The following CBX1 variants were observed in gnomAD, a reference collection of about 807,000 sequenced individuals.
CBX1 encodes the protein chromobox protein homolog 1.
A neutral mutation model predicts 25.1 loss-of-function variants in CBX1; 10 were observed. The observed-to-expected ratio is 0.40, with a 90% CI of 0.25 to 0.68. The LOEUF (loss-of-function observed/expected upper bound fraction) is 0.68. CBX1 is among the 30% of genes least tolerant of loss of function. The pLI, the probability that CBX1 is intolerant of heterozygous loss-of-function variation, is 0.40. For synonymous variants in CBX1, 63 were observed against 79.4 expected, an observed-to-expected ratio of 0.79 and a Z score of 1.10; for missense variants, 106 against 218.5, an observed-to-expected ratio of 0.49 and a Z score of 3.25.
intron 1 of CBX1, among the ~76,000 whole-genome samples, chr17:48,084,214 T>TC (rs2037765476): frequency 9.2e-6 from 1 of 108,956 alleles, no homozygotes; most frequent in East Asian, 2.6e-4. Flanking sequence ...TTTTTTTTTT[T>TC]TTTTTTTTTT....
intron 1 of CBX1, among the ~76,000 whole-genome samples, chr17:48,091,191 C>T (rs2063341909): frequency 6.6e-6 from 1 of 152,154 alleles, no homozygotes; most frequent in Admixed American, 6.6e-5. Context: ...GGAAAGACCT[C>T]GACTAGACTG....
intron 1 of CBX1, among the ~76,000 whole-genome samples, chr17:48,100,229 A>G (rs946384606): frequency 2.0e-5 from 3 of 151,716 alleles, no homozygotes; most frequent in African/African-American, 7.3e-5. Flanking sequence ...GGCCCACGAA[A>G]CAAATATTAC....
rs2063353934 is a variant in CBX1 at position 48,093,137 on chromosome 17, GCGC to G, written c.-38+8128_-38+8130del. 3.4e-5 allele frequency among the ~76,000 whole-genome samples: 5 copies of G among 149,090 alleles called. No homozygotes were observed. The Admixed American group carries it at 3.4e-4, about 10-fold the overall frequency. ...ACAAATTAGTTGGGCATGATGGCAGGCGCCTGTAATCCCAGCTACCCAACTACT... is the reference window on the plus strand; with the variant it reads ...ACAAATTAGTTGGGCATGATGGCAGGCTGTAATCCCAGCTACCCAACTACT... On this transcript the variant is annotated intron_variant, in intron 1 of 4. Coordinates refer to ENST00000225603, the MANE Select transcript of CBX1 (RefSeq NM_001127228.2).
intron 2 of CBX1, among the ~76,000 whole-genome samples, 156 bp downstream of exon 2, chr17:48,076,709 T>C (rs2037678064): frequency 6.6e-6 from 1 of 152,180 alleles, no homozygotes; most frequent in Non-Finnish European, 1.5e-5. Context: ...TTCTGCTTTG[T>C]ATTATAAGCA....
intron 1 of CBX1, among the ~76,000 whole-genome samples, chr17:48,090,605 T>G (rs1302394378): frequency 6.6e-6 from 1 of 152,226 alleles, no homozygotes. Context: ...GCCAGTGATT[T>G]CAAAATGAAA....
intron 1 of CBX1, among the ~76,000 whole-genome samples, chr17:48,091,983 C>CTTTTTTT (rs56277117): frequency 2.5e-4 from 16 of 62,934 alleles, no homozygotes; most frequent in African/African-American, 3.3e-4. Flanking sequence ...CCAGCCAGAT[C>CTTTTTTT]TTTTTTTTTT....
chr17:48,082,723 A>C (rs2037751443), intron 1 of CBX1, among the ~76,000 whole-genome samples: 1 of 149,430 alleles, frequency 6.7e-6, no homozygotes, highest in East Asian at 1.9e-4. Context: ...TTTTTAGTAA[A>C]GACGTGGTTT....
intron 1 of CBX1, among the ~76,000 whole-genome samples, chr17:48,099,867 G>A (rs376563998): frequency 9.9e-5 from 15 of 152,076 alleles, no homozygotes; most frequent in Admixed American, 3.3e-4. Flanking sequence ...ATGGCCAGGC[G>A]CAGTGGCTCA....
At chr17:48,100,986 G>A in intron 1 of CBX1, 1 of 985,970 alleles carries the variant, frequency 1.0e-6, no homozygotes, top group Non-Finnish European at 1.2e-6. Flanking sequence ...AGACCACCCG[G>A]GCCCCGAAGA....
chr17:48,087,940 G>A (rs2063322051), intron 1 of CBX1, among the ~76,000 whole-genome samples: 1 of 151,402 alleles, frequency 6.6e-6, no homozygotes, highest in South Asian at 2.1e-4. Flanking sequence ...ACTCCACAGC[G>A]AATACATGAG....
At chr17:48,094,576 CA>C (rs571475448) in intron 1 of CBX1, among the ~76,000 whole-genome samples, 5 of 147,056 alleles carry the variant, frequency 3.4e-5, no homozygotes, top group Admixed American at 6.8e-5. Flanking sequence ...ACTAAAAATA[CA>C]AAAAAAAAAT....
At chr17:48,088,897 A>C (rs1345644526) in intron 1 of CBX1, 2 of 151,278 alleles carry the variant, frequency 1.3e-5, no homozygotes, top group African/African-American at 2.4e-5. Flanking sequence ...TATAATGAAG[A>C]ATGCTGTTTT....
chr17:48,078,929 A>G (rs1567764848), intron 1 of CBX1, among the ~76,000 whole-genome samples: 1 of 149,350 alleles, frequency 6.7e-6, no homozygotes, highest in South Asian at 2.1e-4. Context: ...AGCTGGGACT[A>G]CAGGTGTGAG....
intron 1 of CBX1, among the ~76,000 whole-genome samples, chr17:48,090,959 CAT>C (rs1039263836): frequency 1.4e-4 from 22 of 152,336 alleles, no homozygotes; most frequent in South Asian, 4.1e-4. Flanking sequence ...TGTGTGCACA[CAT>C]GTGTTTGCAA....
chr17:48,074,423 A>T (rs1012505163), intron 4 of CBX1, among the ~76,000 whole-genome samples: 5 of 152,210 alleles, frequency 3.3e-5, no homozygotes, highest in African/African-American at 2.4e-5. Context: ...TATCTTCATT[A>T]GGCTGTTTCA....
chr17:48,076,521 C>G (rs1052972328), intron 2 of CBX1, among the ~76,000 whole-genome samples: 3 of 151,970 alleles, frequency 2.0e-5, no homozygotes, highest in Admixed American at 1.3e-4. Context: ...ACCTGGGCAA[C>G]TAAGCGAGAC....
At chr17:48,078,149 T>G (rs1431440871) in intron 1 of CBX1, among the ~76,000 whole-genome samples, 3 of 152,014 alleles carry the variant, frequency 2.0e-5, no homozygotes, top group South Asian at 4.1e-4. Context: ...TGACTCATAC[T>G]TTCTCCTATT....
intron 1 of CBX1, among the ~76,000 whole-genome samples, chr17:48,080,790 G>C (rs1030846625): frequency 6.7e-6 from 1 of 149,864 alleles, no homozygotes; most frequent in Non-Finnish European, 1.5e-5. Flanking sequence ...GTATGGTGGC[G>C]CTCGCCTGTA....
chr17:48,093,314 C>T (rs2063354953), intron 1 of CBX1, among the ~76,000 whole-genome samples: 2 of 147,944 alleles, frequency 1.4e-5, no homozygotes, highest in Non-Finnish European at 1.5e-5. Flanking sequence ...ACACAGAAGA[C>T]AGGTCTCGAA....
Sources: gnomAD v4.1 joint callset for allele counts (sites outside exome capture counted in the v4.1 genomes callset) on GRCh38, gnomAD v4.1.1 for gene constraint, MANE v1.5 for transcripts, NCBI Gene and HGNC (gene_info 2026-07-23, HGNC 2026-07-21) for gene names.